The following OLFML2A variants were observed in gnomAD, a reference collection of about 807,000 sequenced individuals.
OLFML2A encodes the protein olfactomedin-like protein 2A.
OLFML2A carries 47 observed loss-of-function variants against 60.9 expected under a neutral mutation model. The observed-to-expected ratio is 0.77, with a 90% confidence interval of 0.61 to 0.98. The LOEUF is 0.98. Among genes scored for constraint, OLFML2A ranks in the 50% least tolerant of loss-of-function variants. The pLI, the probability that OLFML2A is intolerant of heterozygous loss-of-function variation, is 0.00. For missense variants in OLFML2A, 922 were observed against 879.8 expected (o/e 1.05, Z -0.61); for synonymous variants, 372 against 375.0 (o/e 0.99, Z 0.09).
chr9:124,785,390 C>CTTTTTTT (rs1171618111), intron 1 of OLFML2A, among the ~76,000 whole-genome samples: 14 of 62,256 alleles, frequency 2.2e-4, no homozygotes, highest in African/African-American at 4.0e-4. Context: ...CATTTTCTTT[C>CTTTTTTT]TTTTTTTTTT....
chr9:124,809,879 T>G lies in OLFML2A; in HGVS notation c.1426T>G (p.Phe476Val). 1 of 1,614,098 alleles carries G rather than the reference T, an allele frequency of 6.2e-7. No individual in the cohort carries two copies. Among genetic ancestry groups the G allele is most frequent in the South Asian group, 1.1e-5 (1 of 91,078 alleles). ...AGGCCACGTGGTGTACCAGGGCGCC[T>G]TCTACTACAACCGCGCCTTCACCAA... ...GTGHVVYQGA[F>V]YYNRAFTKNI... The change falls in exon 8 of 8, where the codon TTC becomes GTC. Residue 476 changes from phenylalanine to valine, a missense_variant. Physicochemically the swap from Phe to Val is conservative, Grantham distance 50. Coordinates refer to ENST00000373580, the MANE Select transcript of OLFML2A (RefSeq NM_182487.4).
Position 124,784,193 on chromosome 9 carries a change from C to CT in OLFML2A, c.91-2769dup, listed in dbSNP as rs370746858. ...CCCAACACACAGAGGTAGTTTTTTTCTTTTTTTTTTTTTCTTTTTTGTCTG... is the reference window on the plus strand; with the variant it reads ...CCCAACACACAGAGGTAGTTTTTTTCTTTTTTTTTTTTTTCTTTTTTGTCTG... On this transcript the variant is annotated intron_variant, in intron 1 of 7. Coordinates refer to ENST00000373580, the MANE Select transcript of OLFML2A (RefSeq NM_182487.4). Among the ~76,000 whole-genome samples, 380 of 144,592 alleles carry CT rather than the reference C, an allele frequency of 2.6e-3. 2 individuals carry two copies. The highest frequency in any genetic ancestry group is 0.019 in the South Asian group (85 of 4,554). The allele number at this position is 144,592 out of a possible 152,430, so 94.9% of individuals were successfully genotyped here.
chr9:124,784,998 G>GGCTGGAGT (rs1201019556), intron 1 of OLFML2A, among the ~76,000 whole-genome samples: 8 of 109,536 alleles, frequency 7.3e-5, no homozygotes, highest in African/African-American at 3.0e-4. Flanking sequence ...GTGTTGCCCA[G>GGCTGGAGT]GCTGGAGTGC....
chr9:124,802,384 A>G (rs1481991031), intron 5 of OLFML2A, among the ~76,000 whole-genome samples: 1 of 152,124 alleles, frequency 6.6e-6, no homozygotes, highest in African/African-American at 2.4e-5. Flanking sequence ...GGTCCTGCTG[A>G]CCACCTCCTC....
At chr9:124,799,954 G>A (rs1361152322) in intron 4 of OLFML2A, among the ~76,000 whole-genome samples, 1 of 152,138 alleles carries the variant, frequency 6.6e-6, no homozygotes, top group East Asian at 1.9e-4. Context: ...CCCACCCTGG[G>A]GTACAGAACC....
rs1204058146 is a variant in OLFML2A, at chr9:124,792,931, G to A, written c.355-2093G>A. ...CAGGGGTCCCATGCAGACCCTCGGG[G>A]CCAAAGCCAGGTTGTGGGAAAGCAG... On this transcript the variant is annotated intron_variant, in intron 2 of 7. Coordinates refer to ENST00000373580, the MANE Select transcript of OLFML2A (RefSeq NM_182487.4). Among the ~76,000 whole-genome samples, 27 of 152,080 alleles carry A rather than the reference G, an allele frequency of 1.8e-4. 1 individual carries two copies. The highest frequency in any genetic ancestry group is 1.7e-3 in the Admixed American group (26 of 15,266).
rs1339022331 is a variant in OLFML2A at position 124,799,391 on chromosome 9, G to T, written c.569G>T (p.Gly190Val). The change falls in exon 4 of 8, where the codon GGC (glycine) becomes GTC (valine). Residue 190 changes from glycine (G) to valine (V), a missense_variant. Physicochemically the swap from Gly to Val is moderately radical, Grantham distance 109. Coordinates refer to ENST00000373580, the MANE Select transcript of OLFML2A (RefSeq NM_182487.4). Reference protein sequence around the residue: ...HYENHSAIMLGIKKELSRLGL... With the variant: ...HYENHSAIMLVIKKELSRLGL... ...GAGAATCACTCTGCCATCATGCTGGGCATCAAGAAGGAGCTGTCCCGCCTG... is the reference window on the plus strand; with the variant it reads ...GAGAATCACTCTGCCATCATGCTGGTCATCAAGAAGGAGCTGTCCCGCCTG... 6.2e-7 allele frequency: 1 copy of T among 1,613,748 alleles called. No homozygotes were observed.
rs1321934584 is a variant in OLFML2A, at chr9:124,804,206, C to T, written c.1032C>T (p.Ser344=). The T allele has an allele frequency of 5.6e-6, 9 of 1,614,004 alleles. No homozygotes were observed. Among genetic ancestry groups the T allele is most frequent in the Non-Finnish European group, 6.8e-6 (8 of 1,180,016 alleles). The change falls in exon 6 of 8, where the codon TCC becomes TCT. Residue 344 remains serine (S), a synonymous_variant. Coordinates refer to ENST00000373580, the MANE Select transcript of OLFML2A (RefSeq NM_182487.4). ...AGCAGGATGAGGCTGAGCCCAGGTCCTCCGAGCGAGTGGACCTGGCTTCTG... is the reference window on the plus strand; with the variant it reads ...AGCAGGATGAGGCTGAGCCCAGGTCTTCCGAGCGAGTGGACCTGGCTTCTG... ...SAEQDEAEPR[S]SERVDLASGT... is the part of the protein sequence containing the mutation.
At chr9:124,805,816 T>G (rs547736176) in intron 6 of OLFML2A, among the ~76,000 whole-genome samples, 29 of 123,224 alleles carry the variant, frequency 2.4e-4, no homozygotes, top group African/African-American at 8.0e-4. Flanking sequence ...TGGTTTTTTT[T>G]TTTTTTTTTT....
At chr9:124,790,666 C>T (rs1564283382) in intron 2 of OLFML2A, among the ~76,000 whole-genome samples, 1 of 152,080 alleles carries the variant, frequency 6.6e-6, no homozygotes, top group Non-Finnish European at 1.5e-5. Context: ...AGAGGATATG[C>T]TGCCTCACTG....
In OLFML2A at chr9:124,811,520, G is replaced by A. The variant is rs550459414; in HGVS notation, c.*1108G>A. 6.5e-6 allele frequency: 1 copy of A among 152,908 alleles called. No homozygotes were observed. The highest frequency in any genetic ancestry group is 6.5e-5 in the Admixed American group (1 of 15,312). 9.5% of individuals were successfully genotyped at this position (152,908 alleles called of 1,614,324 possible). A position where few individuals can be genotyped will look rare whatever the true frequency, so the allele number is the denominator to read the frequency against. ...CCCTGACCTGGTCACTGGGCAGGCT[G>A]GCCCAGCAGCCTGGGGGCTGCAGAA... On this transcript the variant is annotated 3_prime_UTR_variant, in exon 8 of 8. Coordinates refer to ENST00000373580, the MANE Select transcript of OLFML2A (RefSeq NM_182487.4).
chr9:124,778,310 G>A (rs1214749768), intron 1 of OLFML2A, among the ~76,000 whole-genome samples: 2 of 151,258 alleles, frequency 1.3e-5, no homozygotes, highest in Non-Finnish European at 2.9e-5. Context: ...GCAGTGAGCC[G>A]AGATCGCGCC....
At chr9:124,783,904 G>A (rs4838210) in intron 1 of OLFML2A, among the ~76,000 whole-genome samples, 74,598 of 152,056 alleles carry the variant, frequency 0.49, 18,464 homozygotes, top group Admixed American at 0.59. Flanking sequence ...TGAAGGGATA[G>A]AGAGTAACAG....
chr9:124,787,336 G>A, intron 2 of OLFML2A, 98 bp downstream of exon 2: 6 of 1,187,928 alleles, frequency 5.1e-6, no homozygotes, highest in East Asian at 2.4e-5. Context: ...GAGGCGAGTG[G>A]TGTTACTGCC....
intron 1 of OLFML2A, among the ~76,000 whole-genome samples, chr9:124,782,130 C>T (rs965526844): frequency 1.3e-5 from 2 of 152,190 alleles, no homozygotes; most frequent in East Asian, 1.9e-4. Context: ...GGTTCTATGC[C>T]CCCCAGGGCC....
Position 124,804,267 on chromosome 9 carries a change from G to A in OLFML2A, c.1093G>A (p.Ala365Thr), listed in dbSNP as rs565548539. The A allele has an allele frequency of 1.3e-4, 193 of 1,481,546 alleles. 3 individuals carry two copies. In the South Asian group the frequency reaches 1.4e-3, roughly 10 times the overall value. 91.8% of individuals were successfully genotyped at this position (1,481,546 alleles called of 1,614,324 possible). Residue 365 changes from alanine (A) to threonine (T), a missense_variant, in exon 6 of 8, where the codon GCC (alanine) becomes ACC (threonine). By Grantham distance (58) the Ala-to-Thr change is moderately conservative. Transcript: ENST00000373580. ...TTCAATCCCTGCCACCACCACCACC[G>A]CCACCACCACCCCAACCCCCACCAC... The part of the protein sequence containing the change: ...PTSIPATTTT[A>T]TTTPTPTTSL...
Position 124,781,983 on chromosome 9 carries a change from T to C in OLFML2A, c.90+4623T>C, listed in dbSNP as rs932640068. Among the ~76,000 whole-genome samples the C allele has an allele frequency of 3.9e-5, 6 of 152,340 alleles. No homozygotes were observed. The East Asian group carries it at 1.2e-3, about 29-fold the overall frequency. ...TTTTTAAGCACAAACCACTCCTAGTTCTGGGGGCTTTGGCATCTGTGTGTG... is the reference window on the plus strand; with the variant it reads ...TTTTTAAGCACAAACCACTCCTAGTCCTGGGGGCTTTGGCATCTGTGTGTG... On this transcript the variant is annotated intron_variant, in intron 1 of 7. Coordinates refer to ENST00000373580, the MANE Select transcript of OLFML2A (RefSeq NM_182487.4).
At position 124,801,515 on chromosome 9, in the gene OLFML2A, T is replaced by A. The variant is rs1198503444; in HGVS notation, c.771T>A (p.Leu257=). Residue 257 remains leucine (L), a synonymous_variant, in exon 5 of 8, where the codon CTT becomes CTA. Coordinates refer to ENST00000373580, the MANE Select transcript of OLFML2A (RefSeq NM_182487.4). ...CAAAACCTCCCAAGGAGAAGCTGCT[T>A]CAGGTGGAGAAGCTGAGAAAGGAGA... ...GLPKPPKEKL[L]QVEKLRKESG... The A allele has an allele frequency of 6.2e-7, 1 of 1,613,990 alleles. No homozygotes were observed. The highest frequency in any genetic ancestry group is 1.3e-5 in the African/African-American group (1 of 74,892).
intron 1 of OLFML2A, among the ~76,000 whole-genome samples, chr9:124,783,212 CT>C (rs1355832526): frequency 2.6e-5 from 4 of 152,202 alleles, no homozygotes; most frequent in African/African-American, 9.7e-5. Context: ...TAGCTCACGC[CT>C]GTAATCCCAG....
Sources: gnomAD v4.1 joint callset for allele counts (sites outside exome capture counted in the v4.1 genomes callset) on GRCh38, gnomAD v4.1.1 for gene constraint, MANE v1.5 for transcripts, NCBI Gene and HGNC (gene_info 2026-07-23, HGNC 2026-07-21) for gene names.